Variants in WWP2 observed in about 807,000 individuals in gnomAD.
WWP2 encodes NEDD4-like E3 ubiquitin-protein ligase WWP2.
WWP2 carries 57 observed loss-of-function variants against 121.0 expected under a neutral mutation model. That is an observed-to-expected ratio of 0.47 (90% CI 0.38 to 0.59). The LOEUF is 0.59. Ranked by LOEUF, WWP2 falls within the 20% of genes least tolerant of loss-of-function variation. The pLI, the probability that WWP2 is intolerant of heterozygous loss-of-function variation, is 0.00. For missense variants in WWP2, 962 were observed against 1,158.9 expected, an observed-to-expected ratio of 0.83 and a Z score of 2.47; for synonymous variants, 449 against 441.3, an observed-to-expected ratio of 1.02 and a Z score of -0.22.
intron 4 of WWP2, among the ~76,000 whole-genome samples, chr16:69,806,789 C>A (rs2056284284): frequency 6.6e-6 from 1 of 151,994 alleles, no homozygotes; most frequent in South Asian, 2.1e-4. Flanking sequence ...TTTTTCTTGA[C>A]TAACTTAAAC....
At chr16:69,822,069 G>A (rs2056603513) in intron 4 of WWP2, among the ~76,000 whole-genome samples, 1 of 151,776 alleles carries the variant, frequency 6.6e-6, no homozygotes, top group African/African-American at 2.4e-5. Context: ...GTCTCCCTTT[G>A]TTGCCTGAGC....
rs572608396 is a variant in WWP2 at position 69,909,939 on chromosome 16, T to G, written c.1004+1089T>G. The G allele has an allele frequency of 3.7e-3, 597 of 159,294 alleles. 1 individual carries two copies. Among genetic ancestry groups the G allele is most frequent in the South Asian group, 0.011 (56 of 4,950 alleles). The allele number at this position is 159,294 out of a possible 1,614,324, so 9.9% of individuals were successfully genotyped here. ...GGACAAAATCCGGCCCTCTGACTGT[T>G]TTTGTAAATAAGGTTTTATTGGAAC... On this transcript the variant is annotated intron_variant, in intron 9 of 23. Transcript: ENST00000359154.
At chr16:69,831,940 C>T (rs534986163) in intron 4 of WWP2, among the ~76,000 whole-genome samples, 52 of 151,116 alleles carry the variant, frequency 3.4e-4, no homozygotes, top group African/African-American at 1.2e-3. Flanking sequence ...GCGATTATTC[C>T]GCCTCAGCCC....
Position 69,917,787 on chromosome 16 carries a change from G to C in WWP2, c.1083G>C (p.Pro361=), listed in dbSNP as rs765171141. The change falls in exon 10 of 24, where the codon CCG becomes CCC. Residue 361 remains proline, a synonymous_variant. Transcript: ENST00000359154. ...HNTRTTTWQR[P]TAEYVRNYEQ... The stretch of plus-strand genomic sequence containing the variant: ...CTCGGACCACCACCTGGCAGCGTCC[G>C]ACCGCGGAGTACGTGCGCAACTATG... 1 of 1,613,970 alleles carries C rather than the reference G, an allele frequency of 6.2e-7. No individual in the cohort carries two copies. The highest frequency in any genetic ancestry group is 1.1e-5 in the South Asian group (1 of 91,068).
chr16:69,831,778 A>G (rs1193498662), intron 4 of WWP2, among the ~76,000 whole-genome samples: 2 of 150,782 alleles, frequency 1.3e-5, no homozygotes, highest in Non-Finnish European at 3.0e-5. Context: ...TTTTATTGTT[A>G]TAGTTGCTGT....
intron 6 of WWP2, among the ~76,000 whole-genome samples, chr16:69,865,980 G>A (rs2057513556): frequency 6.6e-6 from 1 of 152,186 alleles, no homozygotes; most frequent in African/African-American, 2.4e-5. Context: ...GTTGATTTTT[G>A]TTCGACACTG....
intron 2 of WWP2, among the ~76,000 whole-genome samples, chr16:69,795,608 T>C (rs1380631755): frequency 1.3e-5 from 2 of 151,486 alleles, no homozygotes; most frequent in Non-Finnish European, 2.9e-5. Context: ...TTTATTGTTC[T>C]ATTTCAATTT....
intron 1 of WWP2, among the ~76,000 whole-genome samples, chr16:69,771,048 T>C (rs2055403426): frequency 6.6e-6 from 1 of 151,798 alleles, no homozygotes; most frequent in Admixed American, 6.6e-5. Context: ...TTCCTCTCCA[T>C]CCTCTCAGTA....
chr16:69,793,291 G>A (rs1354871505), intron 2 of WWP2, among the ~76,000 whole-genome samples: 2 of 152,262 alleles, frequency 1.3e-5, no homozygotes, highest in South Asian at 2.1e-4. Flanking sequence ...GGCAGAGGTT[G>A]CAGTGAGTCA....
At chr16:69,807,884 G>A (rs1200751761) in intron 4 of WWP2, among the ~76,000 whole-genome samples, 1 of 151,274 alleles carries the variant, frequency 6.6e-6, no homozygotes, top group Non-Finnish European at 1.5e-5. Context: ...GCTTCAGTCT[G>A]GGAGATAGAG....
intron 6 of WWP2, among the ~76,000 whole-genome samples, chr16:69,846,048 T>TGAAAAAAAAAAAAA (rs1567700143): frequency 5.8e-4 from 1 of 1,726 alleles, no homozygotes; most frequent in African/African-American, 2.2e-3. Flanking sequence ...AGACTCCATC[T>TGAAAAAAAAAAAAA]CAAAAAAAAA....
At chr16:69,763,442 T>C (rs1048523891) in intron 1 of WWP2, among the ~76,000 whole-genome samples, 5 of 152,206 alleles carry the variant, frequency 3.3e-5, no homozygotes, top group Non-Finnish European at 7.3e-5. Context: ...GTTTCATGAG[T>C]GCAGTGTAAC....
At chr16:69,814,489 A>T (rs1257583102) in intron 4 of WWP2, among the ~76,000 whole-genome samples, 4 of 152,214 alleles carry the variant, frequency 2.6e-5, no homozygotes, top group Non-Finnish European at 5.9e-5. Context: ...TGTAATGCAC[A>T]GAAGGCGATT....
At chr16:69,839,079 AC>A (rs1389815534) in intron 4 of WWP2, among the ~76,000 whole-genome samples, 1 of 139,312 alleles carries the variant, frequency 7.2e-6, no homozygotes, top group Non-Finnish European at 1.5e-5. Flanking sequence ...TATATACTAT[AC>A]CTTGTTCTAG....
At chr16:69,905,984 G>A (rs921713616) in intron 8 of WWP2, among the ~76,000 whole-genome samples, 1 of 152,102 alleles carries the variant, frequency 6.6e-6, no homozygotes, top group African/African-American at 2.4e-5. Flanking sequence ...GTAGCTCGTG[G>A]TAGATTCTCA....
intron 6 of WWP2, among the ~76,000 whole-genome samples, chr16:69,871,112 C>A (rs2057627659): frequency 6.6e-6 from 1 of 151,092 alleles, no homozygotes; most frequent in Non-Finnish European, 1.5e-5. Flanking sequence ...ATAGCAAGAC[C>A]CCATCTCCCC....
At position 69,941,405 on chromosome 16, in the gene WWP2, G is replaced by A. The variant is rs565756196; in HGVS notation, c.*1465G>A. 2.6e-5 allele frequency: 4 copies of A among 154,054 alleles called. No homozygotes were observed. The highest frequency in any genetic ancestry group is 9.6e-5 in the African/African-American group (4 of 41,566). 9.5% of individuals were successfully genotyped at this position (154,054 alleles called of 1,614,324 possible). A position where few individuals can be genotyped will look rare whatever the true frequency, so the allele number is the denominator to read the frequency against. ...CCCCGGCCCGGGAGGTGCAGCCTGC[G>A]TCTGCCTCTGTCGTGTGTGCTGATT... On this transcript the variant is annotated 3_prime_UTR_variant, in exon 24 of 24. Transcript: ENST00000359154.
intron 7 of WWP2, 138 bp from the exon 8 acceptor site, chr16:69,887,900 TA>T: frequency 1.0e-6 from 1 of 982,122 alleles, no homozygotes; most frequent in Non-Finnish European, 1.5e-6. Flanking sequence ...TCATGTTTTG[TA>T]AAACTTTTTG....
intron 1 of WWP2, among the ~76,000 whole-genome samples, chr16:69,767,248 G>T (rs1343042197): frequency 2.4e-4 from 37 of 152,058 alleles, no homozygotes; most frequent in Admixed American, 2.3e-3. Context: ...ATATGTATTG[G>T]TTTTTTCAAA....
Sources: allele counts gnomAD v4.1 joint callset (sites outside exome capture counted in the v4.1 genomes callset), GRCh38; gene constraint gnomAD v4.1.1; transcripts MANE v1.5; gene names NCBI Gene and HGNC (gene_info 2026-07-23, HGNC 2026-07-21).